CELF2: variants seen among roughly 807,000 people sequenced by gnomAD.
The protein encoded by CELF2 is CUGBP Elav-like family member 2, also known as CUG triplet repeat RNA-binding protein 2.
Under a neutral mutation model 62.6 loss-of-function variants are expected in CELF2, and 8 were observed. The observed-to-expected ratio is 0.13, with a 90% confidence interval of 0.07 to 0.23. The LOEUF (loss-of-function observed/expected upper bound fraction) is 0.23, where lower values mean the gene tolerates loss of function less well. CELF2 is among the 10% of genes least tolerant of loss of function. The pLI is 1.00. For missense variants in CELF2, 333 were observed against 671.0 expected (o/e 0.50, Z 5.56); for synonymous variants, 258 against 250.0 (o/e 1.03, Z -0.30).
At chr10:10,828,000 TAAAAAAAAAA>T (rs66721705) in intron 1 of CELF2, among the ~76,000 whole-genome samples, 13 of 60,712 alleles carry the variant, frequency 2.1e-4, no homozygotes, top group Non-Finnish European at 3.2e-4. Flanking sequence ...AGGCTAGTCT[TAAAAAAAAAA>T]AAAAAAAAAA....
chr10:10,921,601 A>T (rs2064921583), intron 2 of CELF2, among the ~76,000 whole-genome samples: 1 of 151,738 alleles, frequency 6.6e-6, no homozygotes, highest in Non-Finnish European at 1.5e-5. Flanking sequence ...GGAGAAATTT[A>T]CTCATCTAAA....
the CELF2 span, among the ~76,000 whole-genome samples, chr10:10,773,247 T>C: frequency 3.9e-5 from 6 of 152,216 alleles, no homozygotes; most frequent in Non-Finnish European, 7.3e-5. Context: ...TATTGTGTTA[T>C]ATGTGCCCGA....
In CELF2 at chr10:11,318,577, GAA is replaced by G. The variant is rs2095222660; in HGVS notation, c.1097-2611_1097-2610del. ...GCCTCTGTGAAGTGGAGCCAGGAGA[GAA>G]GGATGTGGCTGGAATGTCACTGGCT... is the stretch of plus-strand genomic sequence containing the variant. On this transcript the variant is annotated intron_variant, in intron 10 of 12. Transcript: ENST00000633077. This position sits in a 1 kb window ranked among gnomAD's most constrained non-coding sequence, Gnocchi z 5.4. The G allele has an allele frequency of 2.7e-6, 1 of 371,024 alleles. No individual in the cohort carries two copies. The highest frequency in any genetic ancestry group is 7.3e-5 in the East Asian group (1 of 13,628). 23.0% of individuals were successfully genotyped at this position (371,024 alleles called of 1,614,324 possible). A position where few individuals can be genotyped will look rare whatever the true frequency, so the allele number is the denominator to read the frequency against.
At chr10:10,706,441 C>T in the CELF2 span, among the ~76,000 whole-genome samples, 3 of 152,174 alleles carry the variant, frequency 2.0e-5, no homozygotes, top group Non-Finnish European at 2.9e-5. Flanking sequence ...TTCCTCCAGC[C>T]CAGAACCGTC....
upstream of CELF2, among the ~76,000 whole-genome samples, chr10:10,797,068 T>C (rs988003343): frequency 6.6e-6 from 1 of 152,170 alleles, no homozygotes; most frequent in African/African-American, 2.4e-5. Context: ...AACAGGCTGG[T>C]AAGAAAGGGA....
chr10:10,474,588 T>C, the CELF2 span, among the ~76,000 whole-genome samples: 2 of 152,098 alleles, frequency 1.3e-5, no homozygotes, highest in Non-Finnish European at 2.9e-5. Flanking sequence ...GAATTCAATA[T>C]AATTTTTGTG....
chr10:10,750,935 A>G, the CELF2 span, among the ~76,000 whole-genome samples: 1 of 152,244 alleles, frequency 6.6e-6, no homozygotes, highest in African/African-American at 2.4e-5. Flanking sequence ...AGACACTAGC[A>G]TCTATGAAAT....
At chr10:10,974,260 C>T (rs553045936) in intron 2 of CELF2, among the ~76,000 whole-genome samples, 1 of 152,232 alleles carries the variant, frequency 6.6e-6, no homozygotes, top group South Asian at 2.1e-4. Context: ...GTTTCCTAGG[C>T]CCATTCCTTC....
chr10:10,741,801 T>C, the CELF2 span, among the ~76,000 whole-genome samples: 4 of 152,324 alleles, frequency 2.6e-5, no homozygotes, highest in East Asian at 7.7e-4. Flanking sequence ...ATAGGGAAGA[T>C]AGTTTGAGAC....
At chr10:10,988,098 C>G (rs541637717) in intron 2 of CELF2, among the ~76,000 whole-genome samples, 72 of 152,042 alleles carry the variant, frequency 4.7e-4, no homozygotes, top group African/African-American at 1.7e-3. Flanking sequence ...TCCAGCAATC[C>G]CAGAGGAAAG....
intron 2 of CELF2, among the ~76,000 whole-genome samples, chr10:10,921,409 C>T (rs954215878): frequency 2.6e-5 from 4 of 152,096 alleles, no homozygotes; most frequent in African/African-American, 9.7e-5. Flanking sequence ...GCTGGGATTA[C>T]AGGCGTGCAC....
the CELF2 span, among the ~76,000 whole-genome samples, chr10:10,727,731 G>A: frequency 3.3e-5 from 5 of 150,148 alleles, no homozygotes; most frequent in South Asian, 2.1e-4. Context: ...AGCTGAGATC[G>A]CACCACTGCA....
At chr10:11,018,528 G>T (rs1339971636) in intron 1 of CELF2, among the ~76,000 whole-genome samples, 1 of 151,138 alleles carries the variant, frequency 6.6e-6, no homozygotes, top group African/African-American at 2.4e-5. Context: ...CCGCGAGCAG[G>T]GTGAGCGGGG....
At chr10:10,651,011 C>T in the CELF2 span, among the ~76,000 whole-genome samples, 9 of 143,780 alleles carry the variant, frequency 6.3e-5, no homozygotes, top group Non-Finnish European at 1.2e-4. Context: ...CCAGTGGGTG[C>T]GCGCACCGTG....
chr10:10,878,350 C>G (rs1168001908), intron 1 of CELF2, among the ~76,000 whole-genome samples: 4 of 152,190 alleles, frequency 2.6e-5, no homozygotes, highest in Admixed American at 6.5e-5. Flanking sequence ...AACAAACAGG[C>G]CTTTCTGTGA....
chr10:11,094,239 G>A (rs2049141939), intron 1 of CELF2, among the ~76,000 whole-genome samples: 1 of 152,182 alleles, frequency 6.6e-6, no homozygotes, highest in African/African-American at 2.4e-5. Flanking sequence ...ACACAACAGT[G>A]ACAAGAACTG....
rs2062774563 is a variant in CELF2 at position 11,046,045 on chromosome 10, T to A, written c.74+27882T>A. Among the ~76,000 whole-genome samples, 2 of 152,224 alleles carry A rather than the reference T, an allele frequency of 1.3e-5. No individual in the cohort carries two copies. The highest frequency in any genetic ancestry group is 2.9e-5 in the Non-Finnish European group (2 of 68,042). On this transcript the variant is annotated intron_variant, in intron 1 of 12. Transcript: ENST00000633077. This position sits in a 1 kb window ranked among gnomAD's most constrained non-coding sequence, Gnocchi z 4.6. The stretch of plus-strand genomic sequence containing the variant: ...AGGGTTTGTTTTTAAAGGCAACGAC[T>A]CGCTCATGAAGAGTTTGAACATACA...
At chr10:10,553,115 G>A in the CELF2 span, among the ~76,000 whole-genome samples, 20 of 152,304 alleles carry the variant, frequency 1.3e-4, no homozygotes, top group African/African-American at 4.8e-4. Flanking sequence ...TGCAGGGCAA[G>A]GTAGGCCTCA....
chr10:10,768,084 T>A, the CELF2 span, among the ~76,000 whole-genome samples: 1 of 143,974 alleles, frequency 6.9e-6, no homozygotes, highest in Non-Finnish European at 1.5e-5. Context: ...GAGAATGGCG[T>A]GAACCCGGGA....
Sources: allele counts gnomAD v4.1 joint callset (sites outside exome capture counted in the v4.1 genomes callset), GRCh38; gene constraint gnomAD v4.1.1; non-coding constraint Gnocchi (gnomAD v3.1); transcripts MANE v1.5; gene names NCBI Gene and HGNC (gene_info 2026-07-23, HGNC 2026-07-21).